The following TLN2 variants were observed in gnomAD, a reference collection of about 807,000 sequenced individuals.
TLN2 encodes talin 2, also known as talin-2.
A neutral mutation model predicts 294.7 loss-of-function variants in TLN2; 118 were observed. That is an observed-to-expected ratio of 0.40 (90% CI 0.34 to 0.47). The LOEUF (loss-of-function observed/expected upper bound fraction) is 0.47. Ranked by LOEUF, TLN2 falls within the 20% of genes least tolerant of loss-of-function variation. The probability of loss-of-function intolerance (pLI) is 0.84; values close to 1 mark genes in which losing one functional copy is unlikely to be tolerated. For missense variants in TLN2, 3,083 were observed against 3,282.2 expected (o/e 0.94, Z 1.48); for synonymous variants, 1,431 against 1,304.5 (o/e 1.10, Z -2.09).
At chr15:62,832,977 G>A (rs930583971) in intron 54 of TLN2, 4 of 152,104 alleles carry the variant, frequency 2.6e-5, no homozygotes, top group African/African-American at 9.7e-5. Context: ...TGTTCACAGT[G>A]AGTGTATATC....
chr15:62,685,315 T>C (rs891377139), intron 11 of TLN2, among the ~76,000 whole-genome samples: 3 of 152,190 alleles, frequency 2.0e-5, no homozygotes, highest in Non-Finnish European at 4.4e-5. Context: ...TCATAATTTA[T>C]GTATCAAGTC....
intron 47 of TLN2, among the ~76,000 whole-genome samples, chr15:62,796,575 C>T (rs925781872): frequency 5.9e-5 from 9 of 152,190 alleles, no homozygotes; most frequent in African/African-American, 2.2e-4. Flanking sequence ...GAGAGCCGTT[C>T]CTCAAACTGC....
chr15:62,711,960 C>G lies in TLN2; in HGVS notation c.2517C>G (p.Leu839=). 1 of 1,614,114 alleles carries G rather than the reference C, an allele frequency of 6.2e-7. No homozygotes were observed. Residue 839 remains leucine, a synonymous_variant, in exon 22 of 59, where the codon CTC becomes CTG. Coordinates refer to ENST00000636159, the MANE Select transcript of TLN2 (RefSeq NM_015059.3). ...TTCTGGCCCAAGCCACATCAGACCT[C>G]GTCAATGCCATGAGGTCAGATGCAG... is the stretch of plus-strand genomic sequence containing the variant. ...ARVLAQATSD[L]VNAMRSDAEA...
chr15:62,600,837 T>C (rs568041281), intron 2 of TLN2, among the ~76,000 whole-genome samples: 4 of 152,334 alleles, frequency 2.6e-5, no homozygotes, highest in African/African-American at 9.6e-5. Flanking sequence ...TTTCAGTATA[T>C]GTGTCAAATA....
intron 1 of TLN2, among the ~76,000 whole-genome samples, chr15:62,402,982 G>A (rs967437264): frequency 2.0e-5 from 3 of 152,152 alleles, no homozygotes; most frequent in Admixed American, 1.3e-4. Flanking sequence ...TCCCTCACGC[G>A]TAATCCCAGC....
At chr15:62,726,971 G>T in intron 27 of TLN2, 116 bp from the exon 28 acceptor site, 1 of 1,043,102 alleles carries the variant, frequency 9.6e-7, no homozygotes, top group Non-Finnish European at 1.4e-6. Flanking sequence ...TAGTGCCATT[G>T]GTGGGAAAGA....
At chr15:62,554,337 A>G (rs921304203) in intron 1 of TLN2, among the ~76,000 whole-genome samples, 3 of 149,004 alleles carry the variant, frequency 2.0e-5, no homozygotes, top group African/African-American at 7.5e-5. Flanking sequence ...TTGATCTAGT[A>G]TGAGGAAGTG....
At chr15:62,736,183 G>C (rs1486844504) in intron 28 of TLN2, among the ~76,000 whole-genome samples, 1 of 152,068 alleles carries the variant, frequency 6.6e-6, no homozygotes, top group East Asian at 1.9e-4. Context: ...AGCCGGGCGT[G>C]GTGATGGGCA....
intron 32 of TLN2, among the ~76,000 whole-genome samples, chr15:62,742,925 A>G (rs1355216849): frequency 6.6e-6 from 1 of 152,042 alleles, no homozygotes; most frequent in Non-Finnish European, 1.5e-5. Flanking sequence ...TCATTCATTC[A>G]TTGTCTTATT....
At chr15:62,403,203 G>A (rs1595729354) in intron 1 of TLN2, among the ~76,000 whole-genome samples, 1 of 150,114 alleles carries the variant, frequency 6.7e-6, no homozygotes, top group African/African-American at 2.5e-5. Context: ...GTGTGACAAA[G>A]CGAGACTCCA....
At chr15:62,813,915 A>T (rs2066885129) in intron 52 of TLN2, among the ~76,000 whole-genome samples, 1 of 152,044 alleles carries the variant, frequency 6.6e-6, no homozygotes, top group Non-Finnish European at 1.5e-5. Flanking sequence ...CCCGGGTTCA[A>T]ATGATTCTCC....
chr15:62,662,748 T>A (rs2054006246), intron 9 of TLN2, among the ~76,000 whole-genome samples: 1 of 151,796 alleles, frequency 6.6e-6, no homozygotes, highest in Admixed American at 6.6e-5. Flanking sequence ...CATAATATAT[T>A]CATGATGATG....
intron 1 of TLN2, among the ~76,000 whole-genome samples, chr15:62,467,137 G>C (rs772722323): frequency 5.3e-5 from 8 of 152,192 alleles, no homozygotes; most frequent in Non-Finnish European, 1.0e-4. Flanking sequence ...GAACTGGATG[G>C]ATGTAAAGTG....
chr15:62,762,908 G>C (rs1281808177), intron 39 of TLN2, among the ~76,000 whole-genome samples: 2 of 152,170 alleles, frequency 1.3e-5, no homozygotes, highest in African/African-American at 4.8e-5. Context: ...ATATTCTAGG[G>C]CCTGCAGTAA....
intron 1 of TLN2, among the ~76,000 whole-genome samples, chr15:62,534,597 G>T (rs2041233004): frequency 6.6e-6 from 1 of 152,158 alleles, no homozygotes; most frequent in Non-Finnish European, 1.5e-5. Flanking sequence ...TCGTTGTGTA[G>T]GAGTGATTGG....
intron 1 of TLN2, among the ~76,000 whole-genome samples, chr15:62,541,473 C>T (rs2041681112): frequency 1.3e-5 from 2 of 152,090 alleles, no homozygotes; most frequent in Middle Eastern, 3.2e-3. Flanking sequence ...GATGGTGCTC[C>T]CAAGGACACT....
intron 1 of TLN2, among the ~76,000 whole-genome samples, chr15:62,431,871 T>C (rs1481401633): frequency 6.6e-6 from 1 of 152,328 alleles, no homozygotes; most frequent in East Asian, 1.9e-4. Flanking sequence ...TTCATCTCTA[T>C]TGGAACAAAA....
chr15:62,662,528 C>G (rs540231241), intron 9 of TLN2, among the ~76,000 whole-genome samples: 1 of 152,210 alleles, frequency 6.6e-6, no homozygotes, highest in East Asian at 1.9e-4. Context: ...GACATATGTG[C>G]GTGTGTAAGT....
chr15:62,566,733 C>T (rs573050467), intron 1 of TLN2, among the ~76,000 whole-genome samples: 28 of 151,486 alleles, frequency 1.8e-4, no homozygotes, highest in Admixed American at 9.9e-4. Context: ...AAGAGATGCT[C>T]TCACCTCAAT....
Sources: gnomAD v4.1 joint callset for allele counts (sites outside exome capture counted in the v4.1 genomes callset) on GRCh38, gnomAD v4.1.1 for gene constraint, MANE v1.5 for transcripts, NCBI Gene and HGNC (gene_info 2026-07-23, HGNC 2026-07-21) for gene names.